Variants in SH3GL3 observed in about 807,000 individuals in gnomAD.
The protein encoded by SH3GL3 is endophilin-A3.
In SH3GL3, 33 loss-of-function variants were observed where a neutral mutation model predicts 47.7. The ratio of observed to expected loss-of-function variants is 0.69; its 90% CI spans 0.52 to 0.92. SH3GL3 has a LOEUF of 0.92. SH3GL3 is among the 40% of genes least tolerant of loss of function. The probability of loss-of-function intolerance (pLI) is 0.00; values close to 1 mark genes in which losing one functional copy is unlikely to be tolerated. For missense variants in SH3GL3, 363 were observed against 417.8 expected (o/e 0.87, Z 1.14); for synonymous variants, 155 against 148.8 (o/e 1.04, Z -0.30).
At chr15:83,594,637 T>A (rs536870647) in intron 8 of SH3GL3, among the ~76,000 whole-genome samples, 1 of 152,332 alleles carries the variant, frequency 6.6e-6, no homozygotes, top group African/African-American at 2.4e-5. Context: ...TCTAAGACTT[T>A]CTTTGTTTTT....
chr15:83,621,745 C>T (rs901083535), downstream of SH3GL3, among the ~76,000 whole-genome samples: 4 of 152,192 alleles, frequency 2.6e-5, no homozygotes, highest in South Asian at 2.1e-4. Context: ...AATGAAAAGA[C>T]GTAACCCTGT....
chr15:83,612,335 C>T (rs2151846760), intron 8 of SH3GL3, among the ~76,000 whole-genome samples: 1 of 152,332 alleles, frequency 6.6e-6, no homozygotes, highest in South Asian at 2.1e-4. Context: ...CACAGGAGGC[C>T]TGGGGCCTGG....
chr15:83,500,000 A>T (rs1267179719), intron 1 of SH3GL3, among the ~76,000 whole-genome samples: 1 of 152,210 alleles, frequency 6.6e-6, no homozygotes, highest in African/African-American at 2.4e-5. Flanking sequence ...GGAGAAGATC[A>T]TCTGAAAGGG....
chr15:83,466,379 CT>C (rs1372520262), intron 1 of SH3GL3, among the ~76,000 whole-genome samples: 2 of 151,626 alleles, frequency 1.3e-5, no homozygotes, highest in African/African-American at 4.8e-5. Context: ...GTGTGTGTTT[CT>C]CTGGCGTAAA....
chr15:83,552,745 A>G (rs2044727218), intron 1 of SH3GL3, among the ~76,000 whole-genome samples: 3 of 152,206 alleles, frequency 2.0e-5, no homozygotes, highest in Admixed American at 6.5e-5. Flanking sequence ...GATAATCAAT[A>G]TCTTTTTCAA....
Position 83,568,647 on chromosome 15 carries a change from G to A in SH3GL3, c.306G>A (p.Lys102=). ...LLGDCMLKYG[K]ELGEDSTFGN... Reference sequence around the variant, plus strand: ...GGGACTGTATGCTGAAATACGGGAAGGAGCTCGGGGAAGACTCCACCTTTG... The same window carrying A: ...GGGACTGTATGCTGAAATACGGGAAAGAGCTCGGGGAAGACTCCACCTTTG... The change falls in exon 4 of 9, where the codon AAG becomes AAA. Residue 102 remains lysine, a synonymous_variant. Coordinates refer to ENST00000427482, the MANE Select transcript of SH3GL3 (RefSeq NM_003027.5). 1 of 1,613,904 alleles carries A rather than the reference G, an allele frequency of 6.2e-7. No homozygotes were observed. The highest frequency in any genetic ancestry group is 8.5e-7 in the Non-Finnish European group (1 of 1,179,812).
At chr15:83,547,465 G>A (rs184812196) in intron 1 of SH3GL3, among the ~76,000 whole-genome samples, 12 of 152,286 alleles carry the variant, frequency 7.9e-5, no homozygotes. Flanking sequence ...GAGTAGTGTC[G>A]GCAATTCAAA....
At chr15:83,461,928 C>G (rs1342694762) in intron 1 of SH3GL3, among the ~76,000 whole-genome samples, 1 of 152,160 alleles carries the variant, frequency 6.6e-6, no homozygotes, top group Non-Finnish European at 1.5e-5. Context: ...ATTGGGATGA[C>G]AGTGATATAC....
intron 1 of SH3GL3, among the ~76,000 whole-genome samples, chr15:83,478,056 G>A (rs1321080643): frequency 2.0e-5 from 3 of 152,072 alleles, no homozygotes; most frequent in East Asian, 3.9e-4. Flanking sequence ...AGGTGGGTGA[G>A]GGAGATGGCA....
At chr15:83,559,023 G>A (rs1371272080) in intron 1 of SH3GL3, among the ~76,000 whole-genome samples, 5 of 152,200 alleles carry the variant, frequency 3.3e-5, no homozygotes, top group Non-Finnish European at 7.3e-5. Flanking sequence ...CTTACCATGT[G>A]TTTTACACAT....
intron 1 of SH3GL3, among the ~76,000 whole-genome samples, chr15:83,543,755 G>C (rs775027789): frequency 5.9e-5 from 9 of 151,978 alleles, no homozygotes; most frequent in Middle Eastern, 3.2e-3. Context: ...TAGGTTGTAC[G>C]TGTCTAGGAA....
At chr15:83,609,275 A>C (rs751217254) in intron 8 of SH3GL3, 1 of 456,092 alleles carries the variant, frequency 2.2e-6, no homozygotes, top group South Asian at 1.5e-5. Flanking sequence ...CCCAGCCTAC[A>C]GCAGACTGGA....
chr15:83,572,695 C>T lies in SH3GL3; in HGVS notation c.462C>T (p.Ile154=), dbSNP rs757389465. ...TACAAGATAAAGATTTAAAAGAGAT[C>T]GGGGTAAGTCTTCCAGGGTATAAAT... ...QLLQDKDLKE[I]GHHLKKLEGR... is the part of the protein sequence containing the mutation. The change falls in exon 5 of 9, where the codon ATC becomes ATT. Residue 154 remains isoleucine (I), a synonymous_variant. Transcript: ENST00000427482. The T allele has an allele frequency of 1.2e-5, 19 of 1,605,236 alleles. No homozygotes were observed. In the South Asian group the frequency reaches 1.3e-4, roughly 11 times the overall value.
intron 6 of SH3GL3, among the ~76,000 whole-genome samples, chr15:83,579,801 G>T (rs1424986212): frequency 6.6e-6 from 1 of 152,020 alleles, no homozygotes; most frequent in Non-Finnish European, 1.5e-5. Flanking sequence ...CTCTCTTCTT[G>T]GGGTCAACAG....
At chr15:83,535,193 G>C (rs1159010722) in intron 1 of SH3GL3, among the ~76,000 whole-genome samples, 1 of 151,286 alleles carries the variant, frequency 6.6e-6, no homozygotes, top group African/African-American at 2.4e-5. Context: ...AAAAAACTCA[G>C]GTATATTATT....
chr15:83,468,938 C>A (rs1404495658), intron 1 of SH3GL3, among the ~76,000 whole-genome samples: 1 of 151,850 alleles, frequency 6.6e-6, no homozygotes. Flanking sequence ...GAGAATTTTC[C>A]AGTAAAACCA....
intron 1 of SH3GL3, among the ~76,000 whole-genome samples, chr15:83,501,392 T>G (rs995171260): frequency 1.3e-4 from 20 of 152,348 alleles, no homozygotes; most frequent in African/African-American, 4.8e-4. Flanking sequence ...TTTCTCTTCC[T>G]GACTTATATA....
chr15:83,575,007 A>T (rs1407812739), intron 5 of SH3GL3, among the ~76,000 whole-genome samples: 1 of 152,172 alleles, frequency 6.6e-6, no homozygotes, highest in Admixed American at 6.5e-5. Context: ...TGTTCCTTGT[A>T]GTCACAAGCC....
intron 2 of SH3GL3, among the ~76,000 whole-genome samples, chr15:83,561,801 C>T (rs532516533): frequency 1.6e-4 from 24 of 152,264 alleles, no homozygotes; most frequent in Non-Finnish European, 3.2e-4. Context: ...TAGCAGCTCT[C>T]TCACTCAGGG....
Sources: gnomAD v4.1 joint callset for allele counts (sites outside exome capture counted in the v4.1 genomes callset) on GRCh38, gnomAD v4.1.1 for gene constraint, MANE v1.5 for transcripts, NCBI Gene and HGNC (gene_info 2026-07-23, HGNC 2026-07-21) for gene names.